Variants in ENDOU observed in about 807,000 individuals in gnomAD.
The protein encoded by ENDOU is uridylate-specific endoribonuclease.
A neutral mutation model predicts 54.2 loss-of-function variants in ENDOU; 49 were observed. The ratio of observed to expected loss-of-function variants is 0.90; its 90% CI spans 0.72 to 1.15. The LOEUF (loss-of-function observed/expected upper bound fraction) is 1.15, where lower values mean the gene tolerates loss of function less well. Among genes scored for constraint, ENDOU ranks in the 50% most tolerant of loss-of-function variants. The pLI, the probability that ENDOU is intolerant of heterozygous loss-of-function variation, is 0.00. For synonymous variants in ENDOU, 172 were observed against 190.5 expected (o/e 0.90, Z 0.80); for missense variants, 458 against 511.4 (o/e 0.90, Z 1.01).
chr12:47,711,331 A>G (rs1438210978), intron 9 of ENDOU, among the ~76,000 whole-genome samples: 1 of 152,168 alleles, frequency 6.6e-6, no homozygotes, highest in African/African-American at 2.4e-5. Context: ...GCCTCAGGGG[A>G]CAAATAAAGA....
At chr12:47,711,205 T>C (rs1437423384) in intron 9 of ENDOU, among the ~76,000 whole-genome samples, 2 of 152,172 alleles carry the variant, frequency 1.3e-5, no homozygotes, top group Non-Finnish European at 2.9e-5. Flanking sequence ...TCCTTAGAAA[T>C]TAAACATTTG....
chr12:47,723,582 A>T (rs11834770), intron 1 of ENDOU, among the ~76,000 whole-genome samples: 47,847 of 151,962 alleles, frequency 0.31, 7,796 homozygotes, highest in African/African-American at 0.41. Flanking sequence ...CATTCCCCCA[A>T]GAAATGCTCA....
Position 47,713,293 on chromosome 12 carries a change from A to C in ENDOU, c.847T>G (p.Phe283Val), listed in dbSNP as rs772422643. 6.2e-7 allele frequency: 1 copy of C among 1,611,982 alleles called. No homozygotes were observed. The highest frequency in any genetic ancestry group is 1.1e-5 in the South Asian group (1 of 91,026). ...CTCCCACCTGAGAAGACATGTTCAA[A>C]GCCACTCGAGTCCCCCTCTTCATTG... ...RGNEEGDSSG[F>V]EHVFSGEVKK... The change falls in exon 7 of 10, where the codon TTT becomes GTT. Residue 283 changes from phenylalanine (F) to valine (V), a missense_variant. Physicochemically the swap from Phe to Val is conservative, Grantham distance 50. Coordinates refer to ENST00000422538, the MANE Select transcript of ENDOU (RefSeq NM_001172439.2).
chr12:47,712,096 C>T (rs1250528628), intron 8 of ENDOU, among the ~76,000 whole-genome samples: 2 of 152,214 alleles, frequency 1.3e-5, no homozygotes, highest in East Asian at 3.8e-4. Context: ...GGATCGTTTA[C>T]TGCCCCCAAA....
intron 6 of ENDOU, among the ~76,000 whole-genome samples, chr12:47,715,926 A>G (rs1197476042): frequency 1.3e-5 from 2 of 151,946 alleles, no homozygotes; most frequent in Non-Finnish European, 2.9e-5. Context: ...TGTCTGAAAC[A>G]TGGTGCTGAC....
chr12:47,710,735 T>C lies in ENDOU; in HGVS notation c.*67A>G, dbSNP rs538892315. On this transcript the variant is annotated 3_prime_UTR_variant, in exon 10 of 10. Coordinates refer to ENST00000422538, the MANE Select transcript of ENDOU (RefSeq NM_001172439.2). ...CTTCCAGTCCTCTCCCTCTTCTCTC[T>C]AGTCCAGAGAAGATAGCACTTCAGT... 13 of 1,061,874 alleles carry C rather than the reference T, an allele frequency of 1.2e-5. No homozygotes were observed. The East Asian group carries it at 2.8e-4, about 23-fold the overall frequency. The allele number at this position is 1,061,874 out of a possible 1,614,324, so 65.8% of individuals were successfully genotyped here. A position where few individuals can be genotyped will look rare whatever the true frequency, so the allele number is the denominator to read the frequency against.
At chr12:47,722,850 G>C (rs6580636) in intron 1 of ENDOU, among the ~76,000 whole-genome samples, 37,141 of 152,144 alleles carry the variant, frequency 0.24, 5,117 homozygotes, top group African/African-American at 0.39. Context: ...CAGGTTTCCA[G>C]TCCCTAAAAG....
At position 47,716,877 on chromosome 12, in the gene ENDOU, T is replaced by G. The variant is rs748671717; in HGVS notation, c.551+13A>C. 1 of 1,613,656 alleles carries G rather than the reference T, an allele frequency of 6.2e-7. No individual in the cohort carries two copies. ...AGATTTAGGGGGTAGAAAGAGGAAT[T>G]GTGGGAACTCACGGCTTTGGGCAGC... On this transcript the variant is annotated intron_variant, in intron 5 of 9. Coordinates refer to ENST00000422538, the MANE Select transcript of ENDOU (RefSeq NM_001172439.2).
Position 47,716,628 on chromosome 12 carries a change from T to G in ENDOU, c.552-129A>C, listed in dbSNP as rs554347314. The G allele has an allele frequency of 5.1e-5, 42 of 819,518 alleles. No homozygotes were observed. In the East Asian group the frequency reaches 1.1e-3, roughly 22 times the overall value. 50.8% of individuals were successfully genotyped at this position (819,518 alleles called of 1,614,324 possible). A position where few individuals can be genotyped will look rare whatever the true frequency, so the allele number is the denominator to read the frequency against. ...TCAGGAGCCGAGGGGGCACTTCGGG[T>G]ACTCTTGAAAGTCACACATCAGGTC... On this transcript the variant is annotated intron_variant, in intron 5 of 9. Transcript: ENST00000422538.
At chr12:47,717,104 G>A (rs1940272688) in intron 4 of ENDOU, 46 bp from the exon 5 acceptor site, 32 of 1,582,218 alleles carry the variant, frequency 2.0e-5, no homozygotes, top group Non-Finnish European at 2.7e-5. Context: ...AGAGGGAAAG[G>A]GGGGCGGGCA....
intron 9 of ENDOU, among the ~76,000 whole-genome samples, chr12:47,711,145 C>T (rs1939985864): frequency 6.6e-6 from 1 of 152,228 alleles, no homozygotes; most frequent in South Asian, 2.1e-4. Context: ...AATGCTGTTC[C>T]TCATCTTTCC....
intron 1 of ENDOU, 60 bp downstream of exon 1, chr12:47,725,299 G>C: frequency 6.3e-7 from 1 of 1,584,072 alleles, no homozygotes; most frequent in Non-Finnish European, 8.7e-7. Flanking sequence ...CCAACTCTCT[G>C]CTTCTTTAGG....
Position 47,725,455 on chromosome 12 carries a change from T to TTAG in ENDOU, c.-43_-42insCTA. 6.3e-7 allele frequency: 1 copy of TTAG among 1,588,082 alleles called. No individual in the cohort carries two copies. Among genetic ancestry groups the TTAG allele is most frequent in the Non-Finnish European group, 8.6e-7 (1 of 1,156,814 alleles). ...CCAAAAAGGGAGTGGCTGTTGGACT[T>TTAG]TCACTAGAGTCAGATGAATGTCACA... On this transcript the variant is annotated 5_prime_UTR_variant, in exon 1 of 10. Transcript: ENST00000422538.
At chr12:47,712,989 G>A (rs1480408872) in intron 7 of ENDOU, among the ~76,000 whole-genome samples, 2 of 152,116 alleles carry the variant, frequency 1.3e-5, no homozygotes, top group Non-Finnish European at 2.9e-5. Flanking sequence ...TTCAGAGGTA[G>A]GCAAACTTGC....
intron 1 of ENDOU, among the ~76,000 whole-genome samples, chr12:47,722,412 C>T (rs1008319004): frequency 5.9e-5 from 9 of 152,062 alleles, no homozygotes; most frequent in Non-Finnish European, 1.2e-4. Flanking sequence ...CGTTGGTTTT[C>T]GTATCTGTAA....
chr12:47,713,236 A>G (rs1940100065), intron 7 of ENDOU, 39 bp downstream of exon 7: 2 of 1,385,500 alleles, frequency 1.4e-6, no homozygotes, highest in Non-Finnish European at 2.1e-6. Context: ...ATTCCTCTTC[A>G]TCCCTCCAAC....
chr12:47,710,815 A>G lies in ENDOU; in HGVS notation c.1220T>C (p.Val407Ala), dbSNP rs1217773808. The G allele has an allele frequency of 1.2e-6, 2 of 1,613,340 alleles. No homozygotes were observed. Among genetic ancestry groups the G allele is most frequent in the East Asian group, 2.2e-5 (1 of 44,892 alleles). Reference sequence around the variant, plus strand: ...CTCGAAGTTCTATTAGGTGGAAGACACTATGTAGGCTGTGGCGATGTACTT... The same window carrying G: ...CTCGAAGTTCTATTAGGTGGAAGACGCTATGTAGGCTGTGGCGATGTACTT... ...GKKYIATAYI[V>A]SST The change falls in exon 10 of 10, where the codon GTG (valine) becomes GCG (alanine). Residue 407 changes from valine (V) to alanine (A), a missense_variant. Val to Ala is a moderately conservative substitution (Grantham distance 64). Coordinates refer to ENST00000422538, the MANE Select transcript of ENDOU (RefSeq NM_001172439.2).
intron 8 of ENDOU, 27 bp from the exon 9 acceptor site, chr12:47,711,802 G>A (rs947907703): frequency 6.2e-7 from 1 of 1,613,490 alleles, no homozygotes; most frequent in Non-Finnish European, 8.5e-7. Flanking sequence ...AGAAAAGGGG[G>A]TCTGGTGAGT....
intron 6 of ENDOU, among the ~76,000 whole-genome samples, chr12:47,713,748 G>T (rs112150808): frequency 7.2e-6 from 1 of 139,110 alleles, no homozygotes; most frequent in Non-Finnish European, 1.6e-5. Flanking sequence ...GGCGGGGGGG[G>T]GGGGTCTTCT....
Sources: allele counts gnomAD v4.1 joint callset (sites outside exome capture counted in the v4.1 genomes callset), GRCh38; gene constraint gnomAD v4.1.1; transcripts MANE v1.5; gene names NCBI Gene and HGNC (gene_info 2026-07-23, HGNC 2026-07-21).